The following TSPAN19 variants were observed in gnomAD, a reference collection of about 807,000 sequenced individuals.
The protein encoded by TSPAN19 is tetraspanin 19.
Under a neutral mutation model 35.1 loss-of-function variants are expected in TSPAN19, and 44 were observed. The observed-to-expected ratio is 1.25, with a 90% CI of 0.98 to 1.61. The LOEUF (loss-of-function observed/expected upper bound fraction) is 1.61. TSPAN19 is among the 40% of genes most tolerant of loss of function. The pLI is 0.00. For missense variants in TSPAN19, 290 were observed against 280.0 expected, an observed-to-expected ratio of 1.04 and a Z score of -0.26; for synonymous variants, 79 against 92.0, an observed-to-expected ratio of 0.86 and a Z score of 0.81.
intron 4 of TSPAN19, among the ~76,000 whole-genome samples, chr12:85,027,458 A>AATAC (rs1294709384): frequency 6.6e-6 from 1 of 152,192 alleles, no homozygotes; most frequent in Non-Finnish European, 1.5e-5. Context: ...ATTATAAAAA[A>AATAC]ATACATACAT....
At chr12:85,022,673 T>C (rs1352265024) in intron 5 of TSPAN19, among the ~76,000 whole-genome samples, 1 of 152,100 alleles carries the variant, frequency 6.6e-6, no homozygotes, top group Admixed American at 6.6e-5. Flanking sequence ...ACATGTTCAT[T>C]TTACTATAGG....
chr12:85,034,545 T>C (rs1877832072), intron 1 of TSPAN19, among the ~76,000 whole-genome samples: 1 of 152,128 alleles, frequency 6.6e-6, no homozygotes, highest in Non-Finnish European at 1.5e-5. Context: ...AGTTAACATG[T>C]TCAAAAGAAA....
Position 85,029,902 on chromosome 12 carries a change from AT to A in TSPAN19, c.44del (p.Asn15IlefsTer23). ...NKTIIIKYFL[N>X]LINGAFLVLG... ...TTACCAAGAAAGCTCCATTAATGAG[AT>A]TAAGAAAGTACTTAATAATTATTGT... is the stretch of plus-strand genomic sequence containing the variant. On this transcript the variant is annotated frameshift_variant, in exon 2 of 9. Transcript: ENST00000532498. LOFTEE classifies it high-confidence loss of function. The A allele has an allele frequency of 6.8e-7, 1 of 1,474,634 alleles. No homozygotes were observed. Among genetic ancestry groups the A allele is most frequent in the Admixed American group, 2.2e-5 (1 of 45,378 alleles). 91.3% of individuals were successfully genotyped at this position (1,474,634 alleles called of 1,614,324 possible).
intron 1 of TSPAN19, among the ~76,000 whole-genome samples, chr12:85,035,930 T>G (rs1005714139): frequency 3.9e-5 from 6 of 152,120 alleles, no homozygotes; most frequent in African/African-American, 1.4e-4. Context: ...TCCTTTTTCT[T>G]TTCTTTTCTT....
intron 7 of TSPAN19, 83 bp downstream of exon 7, chr12:85,017,373 A>G (rs1876870328): frequency 3.2e-6 from 4 of 1,267,752 alleles, no homozygotes; most frequent in Non-Finnish European, 4.4e-6. Flanking sequence ...TTATATAAAA[A>G]TTTGCTCAGA....
chr12:85,029,506 C>T (rs895611132), intron 3 of TSPAN19, among the ~76,000 whole-genome samples: 1 of 152,030 alleles, frequency 6.6e-6, no homozygotes, highest in Non-Finnish European at 1.5e-5. Flanking sequence ...AGTCATCCTA[C>T]AGTAGTATAG....
chr12:85,028,812 T>G (rs1404868), intron 3 of TSPAN19, among the ~76,000 whole-genome samples: 33,321 of 152,092 alleles, frequency 0.22, 4,315 homozygotes, highest in Admixed American at 0.31. Flanking sequence ...AAATCAATAT[T>G]CTCTATTCCA....
In TSPAN19 at chr12:85,018,005, C is replaced by A. The variant is rs192071298; in HGVS notation, c.451-406G>T. Among the ~76,000 whole-genome samples the A allele has an allele frequency of 5.4e-3, 816 of 151,804 alleles. 6 individuals carry two copies. Among genetic ancestry groups the A allele is most frequent in the Non-Finnish European group, 7.9e-3 (537 of 67,828 alleles). On this transcript the variant is annotated intron_variant, in intron 6 of 8. Coordinates refer to ENST00000532498, the MANE Select transcript of TSPAN19 (RefSeq NM_001100917.2). ...TATGCAGTCATAACTGTTTGGTATA[C>A]CTAAAAAGAGATGCAGGGTAATATC...
At chr12:85,031,795 C>A (rs970898806) in intron 1 of TSPAN19, among the ~76,000 whole-genome samples, 1 of 152,030 alleles carries the variant, frequency 6.6e-6, no homozygotes, top group Non-Finnish European at 1.5e-5. Context: ...AAGTTGTACA[C>A]TTCTCTTCCA....
intron 1 of TSPAN19, among the ~76,000 whole-genome samples, chr12:85,031,591 G>A (rs4761074): frequency 0.22 from 33,299 of 152,082 alleles, 4,306 homozygotes; most frequent in Admixed American, 0.3. Context: ...AAATATAGAA[G>A]TAAACTTTTA....
At chr12:85,033,947 A>C (rs547098011) in intron 1 of TSPAN19, among the ~76,000 whole-genome samples, 3 of 152,278 alleles carry the variant, frequency 2.0e-5, no homozygotes, top group Non-Finnish European at 4.4e-5. Flanking sequence ...ATCATATCTC[A>C]GTATAGAAAT....
chr12:85,035,813 T>C (rs1877971949), intron 1 of TSPAN19, among the ~76,000 whole-genome samples: 1 of 152,194 alleles, frequency 6.6e-6, no homozygotes, highest in African/African-American at 2.4e-5. Context: ...TGTGTGACAA[T>C]ATTTTTACAG....
At chr12:85,019,760 G>A (rs1877021249) in intron 5 of TSPAN19, 24 bp from the exon 6 acceptor site, 1 of 1,415,736 alleles carries the variant, frequency 7.1e-7, no homozygotes. Context: ...TATTAAAAAT[G>A]AAAATTTCAT....
intron 4 of TSPAN19, chr12:85,024,850 A>G (rs1045665557): frequency 2.6e-5 from 4 of 152,050 alleles, no homozygotes; most frequent in Non-Finnish European, 2.9e-5. Context: ...TAGGCAAAAT[A>G]TAAGTACTAA....
rs764876305 is a variant in TSPAN19 at position 85,029,821 on chromosome 12, T to C, written c.67-30A>G. ...AAAAAGAAAGTCAATGCTTATTTTT[T>C]TGTAATTGCCTATACAATAGATTAC... On this transcript the variant is annotated intron_variant, in intron 2 of 8. Coordinates refer to ENST00000532498, the MANE Select transcript of TSPAN19 (RefSeq NM_001100917.2). 67 of 1,534,144 alleles carry C rather than the reference T, an allele frequency of 4.4e-5. No individual in the cohort carries two copies. The South Asian group carries it at 8.0e-4, about 18-fold the overall frequency.
chr12:85,035,833 T>C (rs1395125190), intron 1 of TSPAN19, among the ~76,000 whole-genome samples: 1 of 152,168 alleles, frequency 6.6e-6, no homozygotes, highest in Non-Finnish European at 1.5e-5. Context: ...GTAAAATAAC[T>C]CCAGAAAATA....
At position 85,023,394 on chromosome 12, in the gene TSPAN19, C is replaced by G. The variant is rs1160638085; in HGVS notation, c.271G>C (p.Val91Leu). The change falls in exon 5 of 9, where the codon GTA becomes CTA. Residue 91 changes from valine (V) to leucine (L), a missense_variant. Val to Leu is a conservative substitution (Grantham distance 32, BLOSUM62 1). Transcript: ENST00000532498. ...ACAGCAAAGGTCCATGTTATCAATACTGCATACTAAAACAAAAGAAAAATA... is the reference window on the plus strand; with the variant it reads ...ACAGCAAAGGTCCATGTTATCAATAGTGCATACTAAAACAAAAGAAAAATA... ...EIRWLLIVYA[V>L]LITWTFAVQV... 1.9e-6 allele frequency: 3 copies of G among 1,578,852 alleles called. No individual in the cohort carries two copies. The highest frequency in any genetic ancestry group is 8.6e-7 in the Non-Finnish European group (1 of 1,161,004).
intron 5 of TSPAN19, 114 bp downstream of exon 5, chr12:85,023,212 A>G: frequency 1.1e-6 from 1 of 881,850 alleles, no homozygotes; most frequent in Non-Finnish European, 1.7e-6. Flanking sequence ...TTTCCCCTAA[A>G]GAAATTTACC....
At chr12:85,019,550 C>CA in intron 6 of TSPAN19, 76 bp downstream of exon 6, 1 of 911,628 alleles carries the variant, frequency 1.1e-6, no homozygotes, top group Non-Finnish European at 1.8e-6. Flanking sequence ...GCCCCATCCC[C>CA]TGCCCTGACC....
Sources: gnomAD v4.1 joint callset for allele counts (sites outside exome capture counted in the v4.1 genomes callset) on GRCh38, gnomAD v4.1.1 for gene constraint, MANE v1.5 for transcripts, NCBI Gene and HGNC (gene_info 2026-07-23, HGNC 2026-07-21) for gene names.